Variants in LOC400499 observed in about 807,000 individuals in gnomAD.
the LOC400499 span, among the ~76,000 whole-genome samples, chr16:11,481,641 T>G: frequency 6.6e-6 from 1 of 151,272 alleles, no homozygotes; most frequent in Admixed American, 6.6e-5. Context: ...TTTTTTATTT[T>G]TATTTTTTTG....
the LOC400499 span, among the ~76,000 whole-genome samples, chr16:11,386,470 C>T: frequency 4.6e-5 from 7 of 152,360 alleles, no homozygotes; most frequent in African/African-American, 7.2e-5. Flanking sequence ...ACTGCGCCCA[C>T]GCTTCTAGGG....
chr16:11,429,152 C>A, the LOC400499 span, among the ~76,000 whole-genome samples: 1 of 152,130 alleles, frequency 6.6e-6, no homozygotes, highest in Non-Finnish European at 1.5e-5. Context: ...AGGGGTGGGG[C>A]CTGGTGGGAG....
the LOC400499 span, among the ~76,000 whole-genome samples, chr16:11,385,753 A>C: frequency 2.2e-4 from 34 of 152,208 alleles, no homozygotes; most frequent in Middle Eastern, 3.4e-3. Flanking sequence ...AGGCACAGCC[A>C]TGGACAGAAG....
chr16:11,476,659 C>CAT, the LOC400499 span: 214,081 of 398,264 alleles, frequency 0.54, 60,059 homozygotes, highest in African/African-American at 0.79. Flanking sequence ...CACACGCAGA[C>CAT]GTGATCACAC....
the LOC400499 span, among the ~76,000 whole-genome samples, chr16:11,492,002 G>A: frequency 6.6e-6 from 1 of 152,076 alleles, no homozygotes; most frequent in Non-Finnish European, 1.5e-5. Context: ...CACCTGTGGC[G>A]CAGCTGTGGG....
the LOC400499 span, chr16:11,460,162 G>A: frequency 1.0e-6 from 1 of 998,986 alleles, no homozygotes; most frequent in African/African-American, 1.7e-5. Context: ...TTTCAGAAGA[G>A]ACGGTTCTGT....
At chr16:11,402,632 C>T in the LOC400499 span, among the ~76,000 whole-genome samples, 7 of 152,174 alleles carry the variant, frequency 4.6e-5, no homozygotes, top group East Asian at 1.2e-3. Context: ...CTCAGGATGT[C>T]CTAGCGCAGC....
chr16:11,383,210 C>T, the LOC400499 span, among the ~76,000 whole-genome samples: 4 of 152,100 alleles, frequency 2.6e-5, no homozygotes, highest in South Asian at 2.1e-4. Flanking sequence ...GGACTACAGG[C>T]GCCCGCAACC....
At chr16:11,386,138 C>T in the LOC400499 span, among the ~76,000 whole-genome samples, 1 of 152,198 alleles carries the variant, frequency 6.6e-6, no homozygotes, top group Non-Finnish European at 1.5e-5. Flanking sequence ...CCAACAGGTC[C>T]CTCAAACACA....
chr16:11,417,937 G>A, the LOC400499 span: 1 of 397,810 alleles, frequency 2.5e-6, no homozygotes, highest in Non-Finnish European at 4.4e-6. Flanking sequence ...GGTTATCAGT[G>A]CCATCCACGT....
chr16:11,490,153 T>C, the LOC400499 span, among the ~76,000 whole-genome samples: 6 of 152,066 alleles, frequency 3.9e-5, no homozygotes, highest in African/African-American at 9.7e-5. Context: ...TCAAGCACTT[T>C]GGGAGGCTGA....
At chr16:11,415,472 G>A in the LOC400499 span, among the ~76,000 whole-genome samples, 2 of 152,210 alleles carry the variant, frequency 1.3e-5, no homozygotes, top group South Asian at 4.1e-4. Context: ...CGCCTCAAGG[G>A]ACAGCGTCCA....
the LOC400499 span, among the ~76,000 whole-genome samples, chr16:11,419,438 C>T: frequency 1.3e-5 from 2 of 151,626 alleles, no homozygotes; most frequent in Admixed American, 1.3e-4. Context: ...ACACCTTATA[C>T]AAAAATTAAT....
the LOC400499 span, chr16:11,385,330 G>C: frequency 8.1e-7 from 1 of 1,232,330 alleles, no homozygotes. Flanking sequence ...TCCTGGGCCA[G>C]GAGGATGCTG....
At chr16:11,462,012 A>G in the LOC400499 span, 1 of 1,032,342 alleles carries the variant, frequency 9.7e-7, no homozygotes, top group Non-Finnish European at 1.3e-6. Context: ...TGGGATGTTG[A>G]TATTAAGAGA....
At chr16:11,498,368 G>T in the LOC400499 span, among the ~76,000 whole-genome samples, 1 of 152,154 alleles carries the variant, frequency 6.6e-6, no homozygotes, top group African/African-American at 2.4e-5. Context: ...CATAATCCCA[G>T]CTACTCAGGA....
the LOC400499 span, among the ~76,000 whole-genome samples, chr16:11,407,963 C>CAG: frequency 7.1e-6 from 1 of 141,718 alleles, no homozygotes; most frequent in Admixed American, 7.2e-5. Flanking sequence ...GAAGATGTTC[C>CAG]AGAGCTGTTT....
chr16:11,407,481 G>A, the LOC400499 span: 4 of 395,798 alleles, frequency 1.0e-5, no homozygotes, highest in Non-Finnish European at 1.8e-5. Context: ...CAACTCCCTG[G>A]GCTGGATGAA....
the LOC400499 span, among the ~76,000 whole-genome samples, chr16:11,493,070 G>A: frequency 6.6e-6 from 1 of 152,180 alleles, no homozygotes; most frequent in East Asian, 1.9e-4. Context: ...GTGCTGGGGA[G>A]GAGGGATGGG....
Sources: allele counts gnomAD v4.1 joint callset (sites outside exome capture counted in the v4.1 genomes callset), GRCh38; gene constraint gnomAD v4.1.1; transcripts MANE v1.5.